KCNQ1: variants seen among roughly 807,000 people sequenced by gnomAD.
KCNQ1 encodes potassium voltage-gated channel subfamily KQT member 1.
In KCNQ1, 49 loss-of-function variants were observed where a neutral mutation model predicts 72.4. The ratio of observed to expected loss-of-function variants is 0.68; its 90% CI spans 0.54 to 0.86. The LOEUF is 0.86. Ranked by LOEUF, KCNQ1 falls within the 40% of genes least tolerant of loss-of-function variation. The pLI, the probability that KCNQ1 is intolerant of heterozygous loss-of-function variation, is 0.00. For synonymous variants in KCNQ1, 450 were observed against 412.6 expected (o/e 1.09, Z -1.10); for missense variants, 790 against 945.1 (o/e 0.84, Z 2.15).
rs2412059 is a variant in KCNQ1 at position 2,611,011 on chromosome 11, G to A, written c.1393+22157G>A. On this transcript the variant is annotated intron_variant, in intron 10 of 15. Transcript: ENST00000155840. This position sits in a 1 kb window ranked among gnomAD's most constrained non-coding sequence, Gnocchi z 5.3. The stretch of plus-strand genomic sequence containing the variant: ...TTGTTGAGTTGTCTATTATTGTTCA[G>A]TTGTCTGTTTCTCTCTTCATTTCTG... 0.61 allele frequency: 242,646 copies of A among 398,014 alleles called. 76,203 individuals carry two copies. Among genetic ancestry groups the A allele is most frequent in the East Asian group, 0.86 (24,073 of 28,034 alleles). 24.7% of individuals were successfully genotyped at this position (398,014 alleles called of 1,614,324 possible).
Position 2,670,730 on chromosome 11 carries a change from TG to T in KCNQ1, c.1514+8650del. 1 of 398,582 alleles carries T rather than the reference TG, an allele frequency of 2.5e-6. No homozygotes were observed. The highest frequency in any genetic ancestry group is 4.4e-6 in the Non-Finnish European group (1 of 226,078). 24.7% of individuals were successfully genotyped at this position (398,582 alleles called of 1,614,324 possible). On this transcript the variant is annotated intron_variant, in intron 11 of 15. Transcript: ENST00000155840. This position sits in a 1 kb window ranked among gnomAD's most constrained non-coding sequence, Gnocchi z 4.9. ...GCCCATGGAGCAGGAGGGAACAGTC[TG>T]CAGATATTATCTGGGCACTGGCCAG...
rs571621662 is a variant in KCNQ1, at chr11:2,835,983, G to A, written c.1795-11784G>A. Among the ~76,000 whole-genome samples the A allele has an allele frequency of 5.3e-5, 8 of 152,122 alleles. No individual in the cohort carries two copies. In the South Asian group the frequency reaches 8.3e-4, roughly 16 times the overall value. Reference sequence around the variant, plus strand: ...GGTCCCAGGGGTCGGGGACAGGTGGGAATCGAAGTCATAGGAGGCGGGGCA... The same window carrying A: ...GGTCCCAGGGGTCGGGGACAGGTGGAAATCGAAGTCATAGGAGGCGGGGCA... On this transcript the variant is annotated intron_variant, in intron 15 of 15. Transcript: ENST00000155840.
Position 2,671,152 on chromosome 11 carries a change from G to A in KCNQ1, c.1514+9071G>A, listed in dbSNP as rs2133868496. The A allele has an allele frequency of 2.5e-6, 1 of 398,610 alleles. No individual in the cohort carries two copies. Among genetic ancestry groups the A allele is most frequent in the East Asian group, 3.6e-5 (1 of 28,078 alleles). 24.7% of individuals were successfully genotyped at this position (398,610 alleles called of 1,614,324 possible). A position where few individuals can be genotyped will look rare whatever the true frequency, so the allele number is the denominator to read the frequency against. On this transcript the variant is annotated intron_variant, in intron 11 of 15. Transcript: ENST00000155840. The surrounding 1 kb of genome is among the most constrained non-coding windows in gnomAD (Gnocchi z 4.7). ...GTTGGTCCCATGGGAGGCCTGAGGT[G>A]CCATCTTAGAAATAGGGCCTTGTTA...
chr11:2,639,346 T>G (rs894802198), intron 10 of KCNQ1: 3 of 152,244 alleles, frequency 2.0e-5, no homozygotes, highest in African/African-American at 7.2e-5. Flanking sequence ...TGTGGTTTTA[T>G]CTACCTTTGG....
At chr11:2,736,900 C>T (rs1054518484) in intron 11 of KCNQ1, among the ~76,000 whole-genome samples, 1 of 152,182 alleles carries the variant, frequency 6.6e-6, no homozygotes, top group Non-Finnish European at 1.5e-5. Context: ...GGCGCAGAGC[C>T]TGGGCCTGCC....
chr11:2,536,889 G>T lies in KCNQ1; in HGVS notation c.477+8871G>T, dbSNP rs886233223. On this transcript the variant is annotated intron_variant, in intron 2 of 15. Transcript: ENST00000155840. The surrounding 1 kb of genome is among the most constrained non-coding windows in gnomAD (Gnocchi z 7.4). ...AGGCCCCTCCCGGCTTCTGAGGGTGGCTAGCAACTGTCTTCTAGATGTAGT... is the reference window on the plus strand; with the variant it reads ...AGGCCCCTCCCGGCTTCTGAGGGTGTCTAGCAACTGTCTTCTAGATGTAGT... Among the ~76,000 whole-genome samples the T allele has an allele frequency of 3.3e-5, 5 of 152,012 alleles. 1 individual carries two copies. Among genetic ancestry groups the T allele is most frequent in the African/African-American group, 1.2e-4 (5 of 41,292 alleles).
intron 10 of KCNQ1, chr11:2,631,426 GTT>G (rs760125033): frequency 1.3e-5 from 5 of 373,562 alleles, no homozygotes; most frequent in Non-Finnish European, 2.4e-5. Context: ...CAAAATGTTT[GTT>G]TTTTTTTTAG....
At chr11:2,689,823 C>T (rs1850559049) in intron 11 of KCNQ1, 2 of 398,638 alleles carry the variant, frequency 5.0e-6, no homozygotes, top group African/African-American at 2.1e-5. Flanking sequence ...GTGCTTGGCC[C>T]TCCCAGGTGC....
At position 2,676,136 on chromosome 11, in the gene KCNQ1, G is replaced by A; in HGVS notation, c.1514+14055G>A. ...GATACGGCTCCTTTTTATACAAATG[G>A]TAGCATACTGTATGTATTTTTCTAC... On this transcript the variant is annotated intron_variant, in intron 11 of 15. Coordinates refer to ENST00000155840, the MANE Select transcript of KCNQ1 (RefSeq NM_000218.3). The surrounding 1 kb of genome is among the most constrained non-coding windows in gnomAD (Gnocchi z 4.2). 1 of 398,532 alleles carries A rather than the reference G, an allele frequency of 2.5e-6. No homozygotes were observed. The highest frequency in any genetic ancestry group is 4.4e-6 in the Non-Finnish European group (1 of 226,068). 24.7% of individuals were successfully genotyped at this position (398,532 alleles called of 1,614,324 possible).
Position 2,549,134 on chromosome 11 carries a change from A to G in KCNQ1, c.477+21116A>G, listed in dbSNP as rs1469271879. 6.6e-6 allele frequency among the ~76,000 whole-genome samples: 1 copy of G among 152,044 alleles called. No individual in the cohort carries two copies. The highest frequency in any genetic ancestry group is 1.9e-4 in the East Asian group (1 of 5,186). The stretch of plus-strand genomic sequence containing the variant: ...GAGAGGGGGCAGGCTGAGATCTGAG[A>G]AGCCAGGCTAGGGGGTTGTGGAGCA... On this transcript the variant is annotated intron_variant, in intron 2 of 15. Transcript: ENST00000155840. The surrounding 1 kb of genome is among the most constrained non-coding windows in gnomAD (Gnocchi z 6.2).
intron 11 of KCNQ1, chr11:2,680,397 A>G (rs772699371): frequency 2.1e-4 from 82 of 398,240 alleles, no homozygotes; most frequent in Non-Finnish European, 3.2e-4. Context: ...ACATCCTTCC[A>G]TATTTTTTTA....
rs1390692107 is a variant in KCNQ1, at chr11:2,712,195, A to G, written c.1514+50114A>G. On this transcript the variant is annotated intron_variant, in intron 11 of 15. Transcript: ENST00000155840. This position sits in a 1 kb window ranked among gnomAD's most constrained non-coding sequence, Gnocchi z 6.4. Reference sequence around the variant, plus strand: ...AGCCATGAACACTTGCCGGCTCTCTATTCATCCACACCCCCTGCATTTATT... The same window carrying G: ...AGCCATGAACACTTGCCGGCTCTCTGTTCATCCACACCCCCTGCATTTATT... 6.6e-6 allele frequency among the ~76,000 whole-genome samples: 1 copy of G among 152,058 alleles called. No homozygotes were observed. Among genetic ancestry groups the G allele is most frequent in the Non-Finnish European group, 1.5e-5 (1 of 68,022 alleles).
rs1042563433 is a variant in KCNQ1 at position 2,772,550 on chromosome 11, C to T, written c.1591-3410C>T. Among the ~76,000 whole-genome samples, 1 of 152,138 alleles carries T rather than the reference C, an allele frequency of 6.6e-6. No homozygotes were observed. Among genetic ancestry groups the T allele is most frequent in the Non-Finnish European group, 1.5e-5 (1 of 68,018 alleles). The stretch of plus-strand genomic sequence containing the variant: ...ATCTCAGTGGCTCCAGGATAAGTCT[C>T]TGTGGGCTGGGATGCCACCGGGCCG... On this transcript the variant is annotated intron_variant, in intron 12 of 15. Transcript: ENST00000155840. This position sits in a 1 kb window ranked among gnomAD's most constrained non-coding sequence, Gnocchi z 6.6.
chr11:2,607,984 A>G (rs2133786571), intron 10 of KCNQ1, among the ~76,000 whole-genome samples: 1 of 152,348 alleles, frequency 6.6e-6, no homozygotes, highest in South Asian at 2.1e-4. Flanking sequence ...AAACAATTCT[A>G]TTTACAACAT....
intron 1 of KCNQ1, among the ~76,000 whole-genome samples, chr11:2,490,157 G>A (rs948106868): frequency 2.0e-5 from 3 of 152,222 alleles, no homozygotes; most frequent in Non-Finnish European, 4.4e-5. Flanking sequence ...GCCTGTAGTG[G>A]TGGTGGCCAC....
At chr11:2,733,822 ACTCTCT>A (rs71029156) in intron 11 of KCNQ1, among the ~76,000 whole-genome samples, 1 of 92,426 alleles carries the variant, frequency 1.1e-5, no homozygotes, top group African/African-American at 4.5e-5. Context: ...ACACTCTCTC[ACTCTCT>A]CTCTCTCTCT....
At position 2,614,085 on chromosome 11, in the gene KCNQ1, G is replaced by A. The variant is rs572892800; in HGVS notation, c.1393+25231G>A. 1.5e-5 allele frequency: 6 copies of A among 398,504 alleles called. No homozygotes were observed. The East Asian group carries it at 2.1e-4, about 14-fold the overall frequency. 24.7% of individuals were successfully genotyped at this position (398,504 alleles called of 1,614,324 possible). A position where few individuals can be genotyped will look rare whatever the true frequency, so the allele number is the denominator to read the frequency against. Reference sequence around the variant, plus strand: ...TCTCTTATGCTTGCATGTGTAGGTGGTTTCTAGATGGCAGCTATGCTCACC... The same window carrying A: ...TCTCTTATGCTTGCATGTGTAGGTGATTTCTAGATGGCAGCTATGCTCACC... On this transcript the variant is annotated intron_variant, in intron 10 of 15. Coordinates refer to ENST00000155840, the MANE Select transcript of KCNQ1 (RefSeq NM_000218.3).
rs138668954 is a variant in KCNQ1, at chr11:2,605,280, G to A, written c.1393+16426G>A. 1.7e-3 allele frequency among the ~76,000 whole-genome samples: 252 copies of A among 152,202 alleles called. 5 individuals carry two copies. The East Asian group carries it at 0.046, about 28-fold the overall frequency. Reference sequence around the variant, plus strand: ...TTAAGGTGTCTTTTGAAGCACAAAAGCTTTTAATTTTTATGAAGTCCAATA... The same window carrying A: ...TTAAGGTGTCTTTTGAAGCACAAAAACTTTTAATTTTTATGAAGTCCAATA... On this transcript the variant is annotated intron_variant, in intron 10 of 15. Transcript: ENST00000155840.
intron 15 of KCNQ1, among the ~76,000 whole-genome samples, chr11:2,837,221 T>C (rs954997974): frequency 2.0e-5 from 3 of 151,962 alleles, no homozygotes; most frequent in African/African-American, 7.3e-5. Context: ...GGGAGAGGCC[T>C]GGGTGGAGAC....
Sources: allele counts gnomAD v4.1 joint callset (sites outside exome capture counted in the v4.1 genomes callset), GRCh38; gene constraint gnomAD v4.1.1; non-coding constraint Gnocchi (gnomAD v3.1); transcripts MANE v1.5; gene names NCBI Gene and HGNC (gene_info 2026-07-23, HGNC 2026-07-21).